KDM5B: variants seen among roughly 807,000 people sequenced by gnomAD.
KDM5B encodes the protein lysine-specific demethylase 5B.
A neutral mutation model predicts 193.4 loss-of-function variants in KDM5B; 144 were observed. That is an observed-to-expected ratio of 0.74 (90% CI 0.65 to 0.86). The LOEUF is 0.86. Ranked by LOEUF, KDM5B falls within the 40% of genes least tolerant of loss-of-function variation. The pLI is 0.00. For synonymous variants in KDM5B, 668 were observed against 682.6 expected (o/e 0.98, Z 0.33); for missense variants, 1,833 against 1,886.9 (o/e 0.97, Z 0.53).
chr1:202,742,923 T>C, intron 16 of KDM5B, 118 bp from the exon 17 acceptor site: 1 of 801,752 alleles, frequency 1.2e-6, no homozygotes, highest in Admixed American at 2.9e-5. Context: ...TTACAAATGT[T>C]TGCAATGCTT....
chr1:202,798,805 T>C (rs894112757), intron 1 of KDM5B, among the ~76,000 whole-genome samples: 2 of 152,080 alleles, frequency 1.3e-5, no homozygotes, highest in Non-Finnish European at 2.9e-5. Context: ...GAGGATGGCT[T>C]AAGGCCAGGA....
chr1:202,779,956 TA>T (rs1657134387), intron 1 of KDM5B, among the ~76,000 whole-genome samples: 1 of 152,056 alleles, frequency 6.6e-6, no homozygotes, highest in Admixed American at 6.6e-5. Context: ...ATACAGCATT[TA>T]AAAGTGCTAG....
Position 202,740,677 on chromosome 1 carries a change from C to T in KDM5B, c.3081G>A (p.Leu1027=). Residue 1027 remains leucine (L), a synonymous_variant, in exon 20 of 27, where the codon CTG becomes CTA. Coordinates refer to ENST00000367265, the MANE Select transcript of KDM5B (RefSeq NM_006618.5). The part of the protein sequence containing the change: ...ARDWLQDVEG[L]QAGGRVPVLD... Reference sequence around the variant, plus strand: ...GTATATACTTTTTAAAACCAACCTGCAGGCCCTCTACATCCTGAAGCCAGT... The same window carrying T: ...GTATATACTTTTTAAAACCAACCTGTAGGCCCTCTACATCCTGAAGCCAGT... 1.2e-6 allele frequency: 2 copies of T among 1,610,956 alleles called. No individual in the cohort carries two copies. Among genetic ancestry groups the T allele is most frequent in the South Asian group, 1.1e-5 (1 of 90,814 alleles).
intron 1 of KDM5B, among the ~76,000 whole-genome samples, chr1:202,778,686 G>T (rs895763671): frequency 5.3e-5 from 8 of 152,238 alleles, no homozygotes; most frequent in Non-Finnish European, 1.0e-4. Flanking sequence ...ACAATGACGT[G>T]ACCTCAGCTC....
intron 8 of KDM5B, among the ~76,000 whole-genome samples, chr1:202,759,267 C>T (rs1334277247): frequency 6.6e-6 from 1 of 152,086 alleles, no homozygotes; most frequent in Non-Finnish European, 1.5e-5. Context: ...TGGCTGGGTG[C>T]AGTGGCTCAC....
intron 2 of KDM5B, among the ~76,000 whole-genome samples, chr1:202,775,573 T>C (rs1221382507): frequency 6.7e-6 from 1 of 149,074 alleles, no homozygotes; most frequent in Non-Finnish European, 1.5e-5. Context: ...TAATTATACA[T>C]GGTCGGGTGT....
intron 16 of KDM5B, among the ~76,000 whole-genome samples, chr1:202,744,241 G>A (rs952333958): frequency 1.2e-4 from 18 of 152,148 alleles, no homozygotes; most frequent in Admixed American, 1.1e-3. Flanking sequence ...CAACATCACT[G>A]ATCATTAGAG....
At chr1:202,759,500 C>T (rs1656153757) in intron 8 of KDM5B, among the ~76,000 whole-genome samples, 1 of 150,322 alleles carries the variant, frequency 6.7e-6, no homozygotes, top group Non-Finnish European at 1.5e-5. Context: ...GAGATCACGC[C>T]ACTGCACTCC....
chr1:202,783,433 A>G lies in KDM5B; in HGVS notation c.205-6339T>C, dbSNP rs113249097. The stretch of plus-strand genomic sequence containing the variant: ...GGTGGGAGGATTAATTGAATCCAGG[A>G]GGTCAATCCTGTAGTGAGCCACGAT... On this transcript the variant is annotated intron_variant, in intron 1 of 26. Transcript: ENST00000367265. 2.0e-3 allele frequency among the ~76,000 whole-genome samples: 311 copies of G among 152,084 alleles called. 2 individuals are homozygous for G. Among genetic ancestry groups the G allele is most frequent in the African/African-American group, 7.3e-3 (302 of 41,496 alleles).
chr1:202,792,457 C>T (rs1052466694), intron 1 of KDM5B, among the ~76,000 whole-genome samples: 1 of 151,914 alleles, frequency 6.6e-6, no homozygotes, highest in African/African-American at 2.4e-5. Context: ...TAGGGAGCCC[C>T]GAGTCCTAAA....
At chr1:202,779,435 C>T (rs1436427463) in intron 1 of KDM5B, among the ~76,000 whole-genome samples, 18 of 150,848 alleles carry the variant, frequency 1.2e-4, no homozygotes, top group African/African-American at 3.9e-4. Context: ...GCTGAGATCC[C>T]GCCACTGCAC....
Position 202,735,360 on chromosome 1 carries a change from TA to T in KDM5B, c.3423+68del, listed in dbSNP as rs1378012872. On this transcript the variant is annotated intron_variant, in intron 22 of 26. Transcript: ENST00000367265. ...TCTACTTGCCTTCTCCAAATTCCTA[TA>T]AAACAGAAAGGGTTAGAAATTATTC... is the stretch of plus-strand genomic sequence containing the variant. 3.8e-5 allele frequency: 57 copies of T among 1,504,896 alleles called. 2 individuals are homozygous for T. The Middle Eastern group carries it at 1.1e-3, about 29-fold the overall frequency. 93.2% of individuals were successfully genotyped at this position (1,504,896 alleles called of 1,614,324 possible).
In KDM5B at chr1:202,727,307, T is replaced by A. The variant is rs750045818; in HGVS notation, c.*1729A>T. ...AGGCCAAACCACGATGATTCCAAAT[T>A]GTACTCTGGAGACTATTCTTCTCTA... On this transcript the variant is annotated 3_prime_UTR_variant, in exon 27 of 27. Coordinates refer to ENST00000367265, the MANE Select transcript of KDM5B (RefSeq NM_006618.5). 6.6e-6 allele frequency: 1 copy of A among 152,212 alleles called. No individual in the cohort carries two copies. The highest frequency in any genetic ancestry group is 1.5e-5 in the Non-Finnish European group (1 of 68,030). 9.4% of individuals were successfully genotyped at this position (152,212 alleles called of 1,614,324 possible). A position where few individuals can be genotyped will look rare whatever the true frequency, so the allele number is the denominator to read the frequency against.
At chr1:202,766,239 C>T (rs1572742567) in intron 5 of KDM5B, among the ~76,000 whole-genome samples, 1 of 152,070 alleles carries the variant, frequency 6.6e-6, no homozygotes, top group East Asian at 1.9e-4. Context: ...GGTGAGATGG[C>T]TCACGCCTGT....
chr1:202,773,684 A>C (rs1440397894), intron 3 of KDM5B, among the ~76,000 whole-genome samples: 4 of 152,200 alleles, frequency 2.6e-5, no homozygotes, highest in African/African-American at 9.6e-5. Context: ...TTTGATGGAA[A>C]GAATGTAAAT....
At chr1:202,730,442 T>C (rs1330978234) in intron 25 of KDM5B, among the ~76,000 whole-genome samples, 1 of 152,160 alleles carries the variant, frequency 6.6e-6, no homozygotes, top group Non-Finnish European at 1.5e-5. Flanking sequence ...CTAATAATCT[T>C]CCTTCTTGAA....
At chr1:202,791,497 T>C (rs1480648199) in intron 1 of KDM5B, among the ~76,000 whole-genome samples, 1 of 152,116 alleles carries the variant, frequency 6.6e-6, no homozygotes, top group African/African-American at 2.4e-5. Context: ...AATATTGTTG[T>C]TTTGTAGGAG....
At position 202,742,404 on chromosome 1, in the gene KDM5B, G is replaced by A. The variant is rs1655379881; in HGVS notation, c.2576C>T (p.Thr859Ile). 6.2e-7 allele frequency: 1 copy of A among 1,612,358 alleles called. No individual in the cohort carries two copies. The highest frequency in any genetic ancestry group is 8.5e-7 in the Non-Finnish European group (1 of 1,178,386). ...CTCTATGGTTACCTTTAGTAATGGT[G>A]TCTGACTGAGGACACATGGAAGAGC... ...LYALPCVLSQ[T>I]PLLKDLLNRV... Residue 859 changes from threonine (T) to isoleucine (I), a missense_variant, in exon 18 of 27, where the codon ACA becomes ATA. Transcript: ENST00000367265.
chr1:202,773,208 A>G lies in KDM5B; in HGVS notation c.486T>C (p.Ala162=). Residue 162 remains alanine, a synonymous_variant, in exon 4 of 27, where the codon GCT becomes GCC. Coordinates refer to ENST00000367265, the MANE Select transcript of KDM5B (RefSeq NM_006618.5). ...TATGTGAGCCCACTGCTTTGCCAGG[A>G]GCAAACCCCATCTTGGTAGCAATTT... ...WTKIATKMGF[A]PGKAVGSHIR... The G allele has an allele frequency of 6.2e-7, 1 of 1,614,020 alleles. No homozygotes were observed. The highest frequency in any genetic ancestry group is 1.7e-5 in the Admixed American group (1 of 60,010).
Sources: allele counts gnomAD v4.1 joint callset (sites outside exome capture counted in the v4.1 genomes callset), GRCh38; gene constraint gnomAD v4.1.1; transcripts MANE v1.5; gene names NCBI Gene and HGNC (gene_info 2026-07-23, HGNC 2026-07-21).